PRKG1: variants seen among roughly 807,000 people sequenced by gnomAD.
PRKG1 encodes cGMP-dependent protein kinase 1.
A neutral mutation model predicts 88.1 loss-of-function variants in PRKG1; 35 were observed. The observed-to-expected ratio is 0.40, with a 90% confidence interval of 0.30 to 0.53. PRKG1 has a LOEUF of 0.53. Ranked by LOEUF, PRKG1 falls within the 20% of genes least tolerant of loss-of-function variation. The probability of loss-of-function intolerance (pLI) is 0.59; values close to 1 mark genes in which losing one functional copy is unlikely to be tolerated. For synonymous variants in PRKG1, 303 were observed against 292.5 expected, an observed-to-expected ratio of 1.04 and a Z score of -0.37; for missense variants, 540 against 839.8, an observed-to-expected ratio of 0.64 and a Z score of 4.41.
chr10:51,952,851 G>T (rs1266666143), intron 5 of PRKG1, among the ~76,000 whole-genome samples: 1 of 152,100 alleles, frequency 6.6e-6, no homozygotes, highest in Non-Finnish European at 1.5e-5. Context: ...TAAAGGTCAG[G>T]ATATAACAAA....
chr10:51,395,020 G>A (rs1837537821), intron 2 of PRKG1, among the ~76,000 whole-genome samples: 1 of 152,042 alleles, frequency 6.6e-6, no homozygotes, highest in Admixed American at 6.6e-5. Context: ...ACACATTTGG[G>A]AAACTTGCTT....
intron 2 of PRKG1, among the ~76,000 whole-genome samples, chr10:51,382,870 G>C (rs933191961): frequency 1.3e-5 from 2 of 152,016 alleles, no homozygotes; most frequent in African/African-American, 2.4e-5. Flanking sequence ...ATGATTCATT[G>C]TTCTTATCCA....
intron 9 of PRKG1, among the ~76,000 whole-genome samples, chr10:52,209,598 G>A (rs1404317676): frequency 1.3e-5 from 2 of 152,146 alleles, no homozygotes; most frequent in Admixed American, 6.5e-5. Context: ...AAAATATTAT[G>A]CTCTTGACAT....
intron 3 of PRKG1, among the ~76,000 whole-genome samples, chr10:51,779,027 A>G (rs1452503316): frequency 2.6e-5 from 4 of 152,176 alleles, no homozygotes; most frequent in Non-Finnish European, 5.9e-5. Context: ...AGATGGAGAA[A>G]CAGAAGGAAC....
intron 3 of PRKG1, among the ~76,000 whole-genome samples, chr10:51,662,132 C>T (rs1358598245): frequency 6.6e-6 from 1 of 152,028 alleles, no homozygotes; most frequent in Non-Finnish European, 1.5e-5. Flanking sequence ...ATGTAAATGA[C>T]GAGTTAATGG....
intron 5 of PRKG1, among the ~76,000 whole-genome samples, chr10:51,921,525 T>G (rs1467948853): frequency 6.6e-6 from 1 of 152,120 alleles, no homozygotes; most frequent in Non-Finnish European, 1.5e-5. Flanking sequence ...TTCTCACTGT[T>G]AAGTATGTTA....
At chr10:51,101,867 T>C (rs952839789) in intron 1 of PRKG1, among the ~76,000 whole-genome samples, 3 of 152,180 alleles carry the variant, frequency 2.0e-5, no homozygotes, top group African/African-American at 7.2e-5. Context: ...TGGGGTAAAA[T>C]TGAGGCTAAA....
At chr10:52,064,475 C>A (rs924511878) in intron 7 of PRKG1, among the ~76,000 whole-genome samples, 6 of 152,230 alleles carry the variant, frequency 3.9e-5, no homozygotes, top group African/African-American at 1.2e-4. Context: ...CTAGCTACCT[C>A]CAAGAGGGCA....
At chr10:52,221,208 T>C (rs1840236689) in intron 9 of PRKG1, among the ~76,000 whole-genome samples, 1 of 152,162 alleles carries the variant, frequency 6.6e-6, no homozygotes, top group South Asian at 2.1e-4. Flanking sequence ...GTCATCTTGA[T>C]GGGCTAAGAC....
At chr10:51,209,052 C>A (rs1013122625) in intron 2 of PRKG1, among the ~76,000 whole-genome samples, 1 of 152,060 alleles carries the variant, frequency 6.6e-6, no homozygotes, top group Non-Finnish European at 1.5e-5. Context: ...AACTAGAAGC[C>A]CCTCCAGCAA....
intron 5 of PRKG1, among the ~76,000 whole-genome samples, chr10:51,960,436 C>T (rs1298598093): frequency 6.6e-6 from 1 of 152,062 alleles, no homozygotes; most frequent in East Asian, 1.9e-4. Flanking sequence ...AATTATAAGA[C>T]TATAAAAATA....
intron 1 of PRKG1, among the ~76,000 whole-genome samples, chr10:51,130,739 A>G: frequency 6.6e-6 from 1 of 152,000 alleles, no homozygotes; most frequent in East Asian, 1.9e-4. Context: ...CGTCTCTACT[A>G]AAAATACAAA....
intron 3 of PRKG1, among the ~76,000 whole-genome samples, chr10:51,645,848 G>GAGTT (rs1174431311): frequency 2.0e-5 from 3 of 152,106 alleles, no homozygotes; most frequent in Non-Finnish European, 2.9e-5. Context: ...TGCTGAAGAA[G>GAGTT]AGTTGAATCT....
intron 2 of PRKG1, among the ~76,000 whole-genome samples, chr10:51,354,247 CA>C: frequency 6.6e-6 from 1 of 151,896 alleles, no homozygotes; most frequent in South Asian, 2.1e-4. Context: ...CTTGATAGCA[CA>C]ACAGGAAGAC....
chr10:52,077,080 C>T (rs909532619), intron 7 of PRKG1, among the ~76,000 whole-genome samples: 9 of 151,546 alleles, frequency 5.9e-5, no homozygotes, highest in African/African-American at 1.5e-4. Context: ...AACATGAAAG[C>T]TTACATGCAT....
At chr10:52,030,073 C>A (rs1845439905) in intron 5 of PRKG1, among the ~76,000 whole-genome samples, 1 of 152,188 alleles carries the variant, frequency 6.6e-6, no homozygotes, top group Non-Finnish European at 1.5e-5. Flanking sequence ...TAAATCCCAT[C>A]AGAGGCTTCA....
intron 7 of PRKG1, among the ~76,000 whole-genome samples, chr10:52,104,928 C>T (rs905671406): frequency 7.9e-5 from 12 of 152,020 alleles, no homozygotes; most frequent in Admixed American, 2.6e-4. Context: ...TGAAAGAATG[C>T]GGGGAAATAA....
chr10:51,757,042 T>C (rs940132759), intron 3 of PRKG1, among the ~76,000 whole-genome samples: 1 of 151,958 alleles, frequency 6.6e-6, no homozygotes, highest in Non-Finnish European at 1.5e-5. Flanking sequence ...CTCAGTGGCC[T>C]ACTTCATTTT....
At chr10:51,537,180 G>A (rs1238447890) in intron 3 of PRKG1, among the ~76,000 whole-genome samples, 2 of 152,078 alleles carry the variant, frequency 1.3e-5, no homozygotes, top group South Asian at 2.1e-4. Flanking sequence ...TTTTTTTAAT[G>A]TGCTGAAATA....
Sources: allele counts gnomAD v4.1 joint callset (sites outside exome capture counted in the v4.1 genomes callset), GRCh38; gene constraint gnomAD v4.1.1; transcripts MANE v1.5; gene names NCBI Gene and HGNC (gene_info 2026-07-23, HGNC 2026-07-21).